PRKAG2: variants seen among roughly 807,000 people sequenced by gnomAD.
PRKAG2 encodes the protein protein kinase AMP-activated non-catalytic subunit gamma 2.
PRKAG2 carries 26 observed loss-of-function variants against 69.6 expected under a neutral mutation model. That is an observed-to-expected ratio of 0.37 (90% CI 0.27 to 0.52). The LOEUF is 0.52. PRKAG2 is among the 20% of genes least tolerant of loss of function. The pLI, the probability that PRKAG2 is intolerant of heterozygous loss-of-function variation, is 0.90. For missense variants in PRKAG2, 557 were observed against 740.0 expected, an observed-to-expected ratio of 0.75 and a Z score of 2.87; for synonymous variants, 293 against 285.0, an observed-to-expected ratio of 1.03 and a Z score of -0.28.
intron 3 of PRKAG2, among the ~76,000 whole-genome samples, chr7:151,739,750 T>C (rs756300142): frequency 5.3e-5 from 8 of 152,044 alleles, no homozygotes; most frequent in Non-Finnish European, 1.0e-4. Context: ...GGATTACAGG[T>C]GTGAGCCACC....
chr7:151,624,661 C>T (rs983965245), intron 5 of PRKAG2, among the ~76,000 whole-genome samples: 3 of 152,112 alleles, frequency 2.0e-5, no homozygotes, highest in Admixed American at 6.5e-5. Context: ...GCGAGCCATC[C>T]CACTCTACCC....
intron 3 of PRKAG2, among the ~76,000 whole-genome samples, chr7:151,776,633 G>T (rs2076365038): frequency 6.6e-6 from 1 of 152,210 alleles, no homozygotes; most frequent in Non-Finnish European, 1.5e-5. Flanking sequence ...GCAGCTGTCT[G>T]CACTTCTGCC....
At chr7:151,608,099 G>A (rs756511254) in intron 5 of PRKAG2, among the ~76,000 whole-genome samples, 2 of 152,118 alleles carry the variant, frequency 1.3e-5, no homozygotes, top group African/African-American at 2.4e-5. Context: ...GCGACGCAGC[G>A]ACAAGCCAAG....
intron 5 of PRKAG2, among the ~76,000 whole-genome samples, chr7:151,624,281 G>C (rs1424098893): frequency 6.6e-6 from 1 of 151,570 alleles, no homozygotes; most frequent in Non-Finnish European, 1.5e-5. Flanking sequence ...CAGGAGGCAT[G>C]GGACTCACCT....
At chr7:151,633,983 G>T (rs1391777024) in intron 4 of PRKAG2, among the ~76,000 whole-genome samples, 2 of 152,180 alleles carry the variant, frequency 1.3e-5, no homozygotes, top group Non-Finnish European at 2.9e-5. Flanking sequence ...AGGCTGGAGT[G>T]CAGTGGCGCA....
intron 1 of PRKAG2, among the ~76,000 whole-genome samples, chr7:151,833,483 C>T (rs541258726): frequency 1.6e-4 from 24 of 152,214 alleles, no homozygotes; most frequent in African/African-American, 4.6e-4. Context: ...AGGGATGGTG[C>T]GGGTGAGAGA....
At chr7:151,677,916 CTCAG>C (rs1368143079) in intron 3 of PRKAG2, among the ~76,000 whole-genome samples, 1 of 152,222 alleles carries the variant, frequency 6.6e-6, no homozygotes, top group Non-Finnish European at 1.5e-5. Context: ...TCGTTCATTG[CTCAG>C]TCAAACTCCT....
chr7:151,803,937 C>CAA lies in PRKAG2; in HGVS notation c.115-17398_115-17397dup, dbSNP rs71198732. Among the ~76,000 whole-genome samples, 557 of 106,908 alleles carry CAA rather than the reference C, an allele frequency of 5.2e-3. 7 individuals are homozygous for CAA. Among genetic ancestry groups the CAA allele is most frequent in the African/African-American group, 0.013 (407 of 30,226 alleles). 70.1% of individuals were successfully genotyped at this position (106,908 alleles called of 152,430 possible). On this transcript the variant is annotated intron_variant, in intron 1 of 15. Coordinates refer to ENST00000287878, the MANE Select transcript of PRKAG2 (RefSeq NM_016203.4). ...TGGGCAGCAGTGCGAGACTATGTCT[C>CAA]AAAAAAAAAAAAAAAAAAAGTAAAT...
At position 151,632,684 on chromosome 7, in the gene PRKAG2, A is replaced by G. The variant is rs937012513; in HGVS notation, c.685-546T>C. The G allele has an allele frequency of 7.6e-5, 62 of 814,260 alleles. No individual in the cohort carries two copies. The highest frequency in any genetic ancestry group is 8.6e-5 in the Non-Finnish European group (58 of 673,598). The allele number at this position is 814,260 out of a possible 1,614,324, so 50.4% of individuals were successfully genotyped here. A position where few individuals can be genotyped will look rare whatever the true frequency, so the allele number is the denominator to read the frequency against. ...TGCAGAACGCCCCGGGGCGCCAGCT[A>G]GGGGATCCTTTCTCGCTTTCCTCTT... On this transcript the variant is annotated intron_variant, in intron 4 of 15. Transcript: ENST00000287878. This position sits in a 1 kb window ranked among gnomAD's most constrained non-coding sequence, Gnocchi z 4.2.
At chr7:151,654,760 T>C (rs1829142361) in intron 4 of PRKAG2, among the ~76,000 whole-genome samples, 1 of 152,236 alleles carries the variant, frequency 6.6e-6, no homozygotes, top group Non-Finnish European at 1.5e-5. Flanking sequence ...TGGTGTGATC[T>C]TGGCTTGCTG....
chr7:151,870,154 T>TAGATAGGCAGGCAGGCAGGCAGGC (rs1159760978), intron 1 of PRKAG2, among the ~76,000 whole-genome samples: 36 of 138,430 alleles, frequency 2.6e-4, no homozygotes, highest in African/African-American at 9.7e-4. Context: ...GATAGATAGA[T>TAGATAGGCAGGCAGGCAGGCAGGC]AGGCAGGCAG....
intron 6 of PRKAG2, among the ~76,000 whole-genome samples, chr7:151,587,938 A>G (rs1284282017): frequency 6.6e-6 from 1 of 152,140 alleles, no homozygotes; most frequent in Non-Finnish European, 1.5e-5. Context: ...TCAAAATTCA[A>G]CTGGGTGTGG....
Position 151,757,362 on chromosome 7 carries a change from A to G in PRKAG2, c.466+23790T>C, listed in dbSNP as rs539947112. 2.0e-5 allele frequency among the ~76,000 whole-genome samples: 3 copies of G among 152,310 alleles called. No individual in the cohort carries two copies. The South Asian group carries it at 6.2e-4, about 32-fold the overall frequency. On this transcript the variant is annotated intron_variant, in intron 3 of 15. Transcript: ENST00000287878. ...GGACCTGAAGTTTTACAAGTTAAAT[A>G]AACTTCTCTGAAAGACTCATTCGAA...
At chr7:151,687,080 A>C (rs1425501500) in intron 3 of PRKAG2, among the ~76,000 whole-genome samples, 2 of 152,238 alleles carry the variant, frequency 1.3e-5, no homozygotes, top group East Asian at 1.9e-4. Flanking sequence ...GGGTATTTAC[A>C]TGGGAACTAA....
intron 3 of PRKAG2, among the ~76,000 whole-genome samples, chr7:151,685,000 G>A (rs1834505009): frequency 6.6e-6 from 1 of 152,144 alleles, no homozygotes; most frequent in African/African-American, 2.4e-5. Flanking sequence ...GGTGACTTTA[G>A]GTATCAGTAC....
intron 3 of PRKAG2, among the ~76,000 whole-genome samples, chr7:151,764,304 C>A (rs80325477): frequency 0.077 from 11,701 of 152,296 alleles, 1,198 homozygotes; most frequent in East Asian, 0.54. Flanking sequence ...CAGAGCGCAG[C>A]CCAGCCCAGG....
chr7:151,776,726 C>T lies in PRKAG2; in HGVS notation c.466+4426G>A, dbSNP rs767992110. Among the ~76,000 whole-genome samples the T allele has an allele frequency of 6.6e-4, 101 of 152,366 alleles. 2 individuals are homozygous for T. Among genetic ancestry groups the T allele is most frequent in the Admixed American group, 3.5e-3 (53 of 15,312 alleles). On this transcript the variant is annotated intron_variant, in intron 3 of 15. Coordinates refer to ENST00000287878, the MANE Select transcript of PRKAG2 (RefSeq NM_016203.4). ...GGAAGGCGCAGATGGCAGGCCCAGC[C>T]GGGGCAGTGCAGGCACCCTAGGTGA...
At chr7:151,612,058 C>T (rs1348034448) in intron 5 of PRKAG2, among the ~76,000 whole-genome samples, 1 of 152,196 alleles carries the variant, frequency 6.6e-6, no homozygotes, top group Non-Finnish European at 1.5e-5. Context: ...CAATGTGTTA[C>T]TCCCTTCAGC....
Position 151,560,586 on chromosome 7 carries a change from T to C in PRKAG2, c.1616A>G (p.Asp539Gly). 1 of 1,613,922 alleles carries C rather than the reference T, an allele frequency of 6.2e-7. No individual in the cohort carries two copies. The highest frequency in any genetic ancestry group is 8.5e-7 in the Non-Finnish European group (1 of 1,179,834). The change falls in exon 15 of 16, where the codon GAT becomes GGT. Residue 539 changes from aspartate (D) to glycine (G), a missense_variant. Physicochemically the swap from Asp to Gly is moderately conservative, Grantham distance 94 (BLOSUM62 -1). Coordinates refer to ENST00000287878, the MANE Select transcript of PRKAG2 (RefSeq NM_016203.4). ...VHRLVVVNEA[D>G]SIVGIISLSD... is the part of the protein sequence containing the mutation. ...CAGGGAAATAATACCCACAATACTA[T>C]CTGCTTCATTTACCACCACCAGCCG...
Sources: allele counts gnomAD v4.1 joint callset (sites outside exome capture counted in the v4.1 genomes callset), GRCh38; gene constraint gnomAD v4.1.1; non-coding constraint Gnocchi (gnomAD v3.1); transcripts MANE v1.5; gene names NCBI Gene and HGNC (gene_info 2026-07-23, HGNC 2026-07-21).